Variants in UNC93A observed in about 807,000 individuals in gnomAD.
The protein encoded by UNC93A is unc-93 homolog A, also known as N-acetylglucosamine transporter UNC93A.
UNC93A carries 43 observed loss-of-function variants against 47.5 expected under a neutral mutation model. The ratio of observed to expected loss-of-function variants is 0.91; its 90% confidence interval spans 0.71 to 1.17. UNC93A has a LOEUF of 1.17. UNC93A is among the 50% of genes most tolerant of loss of function. UNC93A has a pLI of 0.00. For synonymous variants in UNC93A, 280 were observed against 258.0 expected, an observed-to-expected ratio of 1.09 and a Z score of -0.82; for missense variants, 605 against 577.6, an observed-to-expected ratio of 1.05 and a Z score of -0.49.
rs114910486 is a variant in UNC93A, at chr6:167,280,732, C to A, written c.-52+9274C>A. 4.1e-3 allele frequency among the ~76,000 whole-genome samples: 626 copies of A among 152,150 alleles called. 8 individuals are homozygous for A. Among genetic ancestry groups the A allele is most frequent in the African/African-American group, 0.015 (603 of 41,470 alleles). On this transcript the variant is annotated intron_variant, in intron 1 of 3. Transcript: ENST00000503433. ...TTCCTCAAATGATTGTTGTATAGAC[C>A]AATGCATAACCTGCTGACACTGGAA...
chr6:167,311,807 T>C (rs1562361951), intron 7 of UNC93A, among the ~76,000 whole-genome samples: 1 of 152,304 alleles, frequency 6.6e-6, no homozygotes, highest in African/African-American at 2.4e-5. Context: ...AGAGTCCCCT[T>C]GAAAGGTACC....
chr6:167,296,227 C>T lies in UNC93A; in HGVS notation c.465C>T (p.Ile155=). 2 of 1,614,210 alleles carry T rather than the reference C, an allele frequency of 1.2e-6. No individual in the cohort carries two copies. The highest frequency in any genetic ancestry group is 8.5e-7 in the Non-Finnish European group (1 of 1,180,048). Reference sequence around the variant, plus strand: ...CATCCGGTGTGTGGGGCAACTTGATCTCATCGCTGGTATTTGGCCAGACTC... The same window carrying T: ...CATCCGGTGTGTGGGGCAACTTGATTTCATCGCTGGTATTTGGCCAGACTC... The part of the protein sequence containing the change: ...FQSSGVWGNL[I]SSLVFGQTPS... Residue 155 remains isoleucine (I), a synonymous_variant, in exon 3 of 8, where the codon ATC becomes ATT. Coordinates refer to ENST00000230256, the MANE Select transcript of UNC93A (RefSeq NM_018974.4).
intron 7 of UNC93A, among the ~76,000 whole-genome samples, chr6:167,312,185 T>C (rs531236037): frequency 6.6e-6 from 1 of 152,052 alleles, no homozygotes; most frequent in East Asian, 1.9e-4. Flanking sequence ...GCTGTGGGTT[T>C]GCGGAGGACA....
chr6:167,288,864 CCGGAACA>C (rs1783790745), upstream of UNC93A, among the ~76,000 whole-genome samples: 1 of 152,342 alleles, frequency 6.6e-6, no homozygotes, highest in East Asian at 1.9e-4. Context: ...TCTCGGTTTT[CCGGAACA>C]CGCGTGCTCT....
chr6:167,310,372 T>C (rs1381844977), intron 7 of UNC93A, among the ~76,000 whole-genome samples: 1 of 152,300 alleles, frequency 6.6e-6, no homozygotes, highest in Non-Finnish European at 1.5e-5. Flanking sequence ...ATGTGAACAG[T>C]GGACTTAACT....
chr6:167,269,248 T>C (rs2115061849), upstream of UNC93A, among the ~76,000 whole-genome samples: 1 of 152,306 alleles, frequency 6.6e-6, no homozygotes, highest in East Asian at 1.9e-4. Flanking sequence ...CATGGCTCTG[T>C]GCTGAGGGAA....
chr6:167,315,109 G>A (rs1390509805), intron 7 of UNC93A, 78 bp from the exon 8 acceptor site: 1 of 1,556,840 alleles, frequency 6.4e-7, no homozygotes, highest in African/African-American at 1.4e-5. Context: ...TGGGGCAGTG[G>A]GAAAGCTGTG....
rs1219071286 is a variant in UNC93A, at chr6:167,295,654, TCCCTC to T, written c.270-377_270-373del. The stretch of plus-strand genomic sequence containing the variant: ...CCTCGCCTGCCTCGTGCTCCTCGCC[TCCCTC>T]GTGATCCTCGCCTGCCTCGTGCTCC... On this transcript the variant is annotated intron_variant, in intron 2 of 7. Coordinates refer to ENST00000230256, the MANE Select transcript of UNC93A (RefSeq NM_018974.4). Among the ~76,000 whole-genome samples the T allele has an allele frequency of 1.9e-3, 217 of 115,320 alleles. 18 individuals are homozygous for T. The highest frequency in any genetic ancestry group is 4.2e-3 in the African/African-American group (92 of 22,062). 75.7% of individuals were successfully genotyped at this position (115,320 alleles called of 152,430 possible). A position where few individuals can be genotyped will look rare whatever the true frequency, so the allele number is the denominator to read the frequency against.
At chr6:167,285,695 G>A (rs1029028397) in intron 1 of UNC93A, among the ~76,000 whole-genome samples, 3 of 151,526 alleles carry the variant, frequency 2.0e-5, no homozygotes, top group Admixed American at 6.6e-5. Context: ...GGCGGCCCTG[G>A]GCAGCAGCTC....
intron 1 of UNC93A, among the ~76,000 whole-genome samples, chr6:167,277,047 A>T (rs1783555575): frequency 6.6e-6 from 1 of 151,718 alleles, no homozygotes; most frequent in African/African-American, 2.4e-5. Context: ...GCCACCACAG[A>T]CTCCCCTGAT....
intron 7 of UNC93A, among the ~76,000 whole-genome samples, chr6:167,309,261 G>A (rs1156598976): frequency 7.2e-5 from 11 of 152,334 alleles, no homozygotes; most frequent in African/African-American, 1.9e-4. Context: ...AAGGAGATGC[G>A]TGAGAGCGTT....
chr6:167,288,716 A>G (rs1311945229), upstream of UNC93A, among the ~76,000 whole-genome samples: 1 of 152,250 alleles, frequency 6.6e-6, no homozygotes, highest in Non-Finnish European at 1.5e-5. Context: ...ACCATTGGGT[A>G]GACTTCCCTT....
At chr6:167,287,449 C>T (rs1464944109), upstream of UNC93A, among the ~76,000 whole-genome samples, 1 of 152,138 alleles carries the variant, frequency 6.6e-6, no homozygotes, top group South Asian at 2.1e-4. Flanking sequence ...AATTTCAGTT[C>T]TCTATTTTGC....
intron 1 of UNC93A, among the ~76,000 whole-genome samples, chr6:167,285,554 C>T (rs1325543784): frequency 6.6e-6 from 1 of 151,748 alleles, no homozygotes. Context: ...GAGAGTTGGC[C>T]TCTGTCGCAA....
Position 167,315,311 on chromosome 6 carries a change from C to T in UNC93A, c.1233C>T (p.Leu411=). The T allele has an allele frequency of 1.2e-6, 2 of 1,613,910 alleles. No individual in the cohort carries two copies. The highest frequency in any genetic ancestry group is 1.1e-5 in the South Asian group (1 of 91,070). ...YSMFLCVHVK[L]YILLGVLSLT... Reference sequence around the variant, plus strand: ...TGTTTTTGTGCGTGCACGTCAAGCTCTACATTCTGCTGGGGGTCCTGAGCC... The same window carrying T: ...TGTTTTTGTGCGTGCACGTCAAGCTTTACATTCTGCTGGGGGTCCTGAGCC... The change falls in exon 8 of 8, where the codon CTC becomes CTT. Residue 411 remains leucine, a synonymous_variant. Coordinates refer to ENST00000230256, the MANE Select transcript of UNC93A (RefSeq NM_018974.4).
intron 1 of UNC93A, among the ~76,000 whole-genome samples, chr6:167,293,104 A>G (rs1783879742): frequency 6.6e-6 from 1 of 152,290 alleles, no homozygotes; most frequent in Non-Finnish European, 1.5e-5. Flanking sequence ...AAATGCGGGC[A>G]GACAACCCTT....
chr6:167,298,718 T>C (rs2115138185), intron 4 of UNC93A, among the ~76,000 whole-genome samples: 1 of 152,278 alleles, frequency 6.6e-6, no homozygotes, highest in Admixed American at 6.5e-5. Context: ...TGTTATGTAA[T>C]AGTTTCATAT....
At position 167,295,297 on chromosome 6, in the gene UNC93A, C is replaced by T. The variant is rs896311275; in HGVS notation, c.269+599C>T. On this transcript the variant is annotated intron_variant, in intron 2 of 7. Coordinates refer to ENST00000230256, the MANE Select transcript of UNC93A (RefSeq NM_018974.4). ...GATGATGGCTGCAAGTCCTTCTTCCCGGTAGCTGCAGAGTCTTACATGGCA... is the reference window on the plus strand; with the variant it reads ...GATGATGGCTGCAAGTCCTTCTTCCTGGTAGCTGCAGAGTCTTACATGGCA... 3.3e-5 allele frequency among the ~76,000 whole-genome samples: 5 copies of T among 152,350 alleles called. No homozygotes were observed. In the East Asian group the frequency reaches 9.7e-4, roughly 29 times the overall value.
chr6:167,302,106 C>G (rs559447333), intron 4 of UNC93A, among the ~76,000 whole-genome samples: 15 of 152,320 alleles, frequency 9.8e-5, no homozygotes, highest in African/African-American at 2.9e-4. Flanking sequence ...AGAAATAAAT[C>G]TGCATTTCTA....
Sources: allele counts gnomAD v4.1 joint callset (sites outside exome capture counted in the v4.1 genomes callset), GRCh38; gene constraint gnomAD v4.1.1; transcripts MANE v1.5; gene names NCBI Gene and HGNC (gene_info 2026-07-23, HGNC 2026-07-21).